Variants in LCT observed in about 807,000 individuals in gnomAD.
LCT encodes lactase.
In LCT, 90 loss-of-function variants were observed where a neutral mutation model predicts 173.0. That is an observed-to-expected ratio of 0.52 (90% CI 0.44 to 0.62). The LOEUF is 0.62. Ranked by LOEUF, LCT falls within the 20% of genes least tolerant of loss-of-function variation. The probability of loss-of-function intolerance (pLI) is 0.00; values close to 1 mark genes in which losing one functional copy is unlikely to be tolerated. For synonymous variants in LCT, 853 were observed against 957.6 expected, an observed-to-expected ratio of 0.89 and a Z score of 2.02; for missense variants, 1,864 against 2,431.4, an observed-to-expected ratio of 0.77 and a Z score of 4.91.
chr2:135,789,810 CAG>C lies in LCT; in HGVS notation c.5336-14_5336-13del. On this transcript the variant is annotated splice_polypyrimidine_tract_variant and intron_variant, in intron 15 of 16. Coordinates refer to ENST00000264162, the MANE Select transcript of LCT (RefSeq NM_002299.4). Reference sequence around the variant, plus strand: ...CTTGTCCTGCACAGCTGCTCAAACACAGAGGACTAGGCATAAGTTTCCTATCT... The same window carrying C: ...CTTGTCCTGCACAGCTGCTCAAACACAGGACTAGGCATAAGTTTCCTATCT... 1 of 1,608,776 alleles carries C rather than the reference CAG, an allele frequency of 6.2e-7. No individual in the cohort carries two copies. Among genetic ancestry groups the C allele is most frequent in the Non-Finnish European group, 8.5e-7 (1 of 1,175,050 alleles).
chr2:135,819,160 T>A (rs2077807711), intron 5 of LCT, among the ~76,000 whole-genome samples: 1 of 152,236 alleles, frequency 6.6e-6, no homozygotes, highest in African/African-American at 2.4e-5. Flanking sequence ...TACATGTTTA[T>A]GTGCATGTAT....
rs868727079 is a variant in LCT, at chr2:135,808,635, G to T, written c.3712C>A (p.Pro1238Thr). The change falls in exon 8 of 17, where the codon CCT (proline) becomes ACT (threonine). Residue 1238 changes from proline to threonine, a missense_variant. Transcript: ENST00000264162. ...DDQEMAEEED[P>T]SWPSTAMNRA... is the part of the protein sequence containing the mutation. ...TTCATTGCCGTGGAAGGCCACGAAG[G>T]GTCCTCCTCCTCAGCCATCTCCTGG... The T allele has an allele frequency of 6.2e-6, 10 of 1,614,220 alleles. 1 individual carries two copies. In the African/African-American group the frequency reaches 1.1e-4, roughly 17 times the overall value.
chr2:135,794,556 G>T, intron 14 of LCT, 85 bp downstream of exon 14: 2 of 1,440,564 alleles, frequency 1.4e-6, no homozygotes, highest in Non-Finnish European at 2.0e-6. Context: ...CTGTTTTGAG[G>T]CTGGGCAGGC....
At chr2:135,812,128 C>T (rs1000396232) in intron 7 of LCT, among the ~76,000 whole-genome samples, 183 bp downstream of exon 7, 1 of 152,124 alleles carries the variant, frequency 6.6e-6, no homozygotes. Flanking sequence ...GGAGCAAAGA[C>T]GTGAATGACA....
At chr2:135,822,756 A>G (rs2077846119) in intron 4 of LCT, 1 of 155,692 alleles carries the variant, frequency 6.4e-6, no homozygotes, top group African/African-American at 2.4e-5. Context: ...ACTCATGTTG[A>G]AATTTAATTG....
intron 9 of LCT, among the ~76,000 whole-genome samples, chr2:135,806,750 T>A (rs2077678200): frequency 6.6e-6 from 1 of 152,254 alleles, no homozygotes; most frequent in Non-Finnish European, 1.5e-5. Context: ...TAGGTGTGTG[T>A]AAGTGCACTC....
rs147652514 is a variant in LCT at position 135,823,884 on chromosome 2, A to T, written c.907+17T>A. ...ACCAGATGTCACTCAAAACCTCTTC[A>T]GCAATGGCCCACTCACCTTCAAAAA... On this transcript the variant is annotated intron_variant, in intron 4 of 16. Coordinates refer to ENST00000264162, the MANE Select transcript of LCT (RefSeq NM_002299.4). 1,346 of 1,543,644 alleles carry T rather than the reference A, an allele frequency of 8.7e-4. No homozygotes were observed. The highest frequency in any genetic ancestry group is 1.2e-3 in the Admixed American group (74 of 59,934).
intron 6 of LCT, among the ~76,000 whole-genome samples, chr2:135,816,366 G>A (rs2077781284): frequency 6.6e-6 from 1 of 152,086 alleles, no homozygotes; most frequent in Admixed American, 6.6e-5. Context: ...GTGGGTATGC[G>A]ACCCACTGAG....
At chr2:135,828,494 G>T (rs926524048) in intron 3 of LCT, among the ~76,000 whole-genome samples, 1 of 152,170 alleles carries the variant, frequency 6.6e-6, no homozygotes, top group African/African-American at 2.4e-5. Context: ...AGAGGCAGGG[G>T]GTCCAATGTG....
At chr2:135,832,391 G>C (rs947125342) in intron 2 of LCT, among the ~76,000 whole-genome samples, 1 of 151,462 alleles carries the variant, frequency 6.6e-6, no homozygotes, top group Non-Finnish European at 1.5e-5. Flanking sequence ...CTGCACTCTG[G>C]CCTGGGTGAC....
intron 5 of LCT, among the ~76,000 whole-genome samples, chr2:135,818,622 G>A (rs759203722): frequency 8.5e-5 from 13 of 152,128 alleles, no homozygotes; most frequent in Non-Finnish European, 1.8e-4. Flanking sequence ...GGTGGATCAC[G>A]AGGTCAGAAG....
rs1159649960 is a variant in LCT, at chr2:135,809,236, G to C, written c.3111C>G (p.Ala1037=). ...LQDIGGWENP[A]LIDLFDSYAD... ...CGTAGCTGTCAAACAAGTCAATCAA[G>C]GCAGGATTCTCCCAGCCTCCGATAT... The change falls in exon 8 of 17, where the codon GCC becomes GCG. Residue 1037 remains alanine (A), a synonymous_variant. Transcript: ENST00000264162. The surrounding 1 kb of genome is among the most constrained non-coding windows in gnomAD (Gnocchi z 5.5). 2 of 1,614,236 alleles carry C rather than the reference G, an allele frequency of 1.2e-6. No homozygotes were observed. Among genetic ancestry groups the C allele is most frequent in the Non-Finnish European group, 1.7e-6 (2 of 1,180,044 alleles).
chr2:135,824,992 C>CAAAAA (rs5834449), intron 3 of LCT, among the ~76,000 whole-genome samples: 1 of 110,168 alleles, frequency 9.1e-6, no homozygotes. Context: ...GGCTCCATCT[C>CAAAAA]AAAAAAAAAA....
In LCT at chr2:135,835,990, ATATATATATATATATATATATATATG is replaced by A. The variant is rs1370314863; in HGVS notation, c.640+514_640+539del. Among the ~76,000 whole-genome samples the A allele has an allele frequency of 4.4e-3, 118 of 26,726 alleles. 5 individuals carry two copies. Among genetic ancestry groups the A allele is most frequent in the Non-Finnish European group, 0.01 (58 of 5,756 alleles). The allele number at this position is 26,726 out of a possible 152,430, so 17.5% of individuals were successfully genotyped here. On this transcript the variant is annotated intron_variant, in intron 1 of 16. Transcript: ENST00000264162. ...AATACATGTGTGTATATATATATATATATATATATATATATATATATATATGTATACATATTTTTTTTTTTTGAGAT... is the reference window on the plus strand; with the variant it reads ...AATACATGTGTGTATATATATATATATATACATATTTTTTTTTTTTGAGAT...
chr2:135,829,181 A>G (rs2077912664), intron 3 of LCT, among the ~76,000 whole-genome samples: 1 of 151,038 alleles, frequency 6.6e-6, no homozygotes, highest in South Asian at 2.1e-4. Flanking sequence ...ACCGAGGAAG[A>G]CTCCATCTCA....
rs1309764417 is a variant in LCT at position 135,809,638 on chromosome 2, A to G, written c.2709T>C (p.Phe903=). Residue 903 remains phenylalanine, a synonymous_variant, in exon 8 of 17, where the codon TTT becomes TTC. Transcript: ENST00000264162. The surrounding 1 kb of genome is among the most constrained non-coding windows in gnomAD (Gnocchi z 5.5). ...FERDLFYHGT[F]RDDFLWGVSS... is the part of the protein sequence containing the mutation. ...ACACGCCCCACAGAAAGTCATCCCGAAACGTCCCGTGGTAGAACAAATCTC... is the reference window on the plus strand; with the variant it reads ...ACACGCCCCACAGAAAGTCATCCCGGAACGTCCCGTGGTAGAACAAATCTC... 1 of 1,614,216 alleles carries G rather than the reference A, an allele frequency of 6.2e-7. No individual in the cohort carries two copies. The highest frequency in any genetic ancestry group is 8.5e-7 in the Non-Finnish European group (1 of 1,180,028).
At chr2:135,816,499 A>G (rs2077782161) in intron 6 of LCT, among the ~76,000 whole-genome samples, 1 of 152,222 alleles carries the variant, frequency 6.6e-6, no homozygotes, top group Non-Finnish European at 1.5e-5. Flanking sequence ...TAGCCCAAGA[A>G]TAAAGCCAAC....
intron 3 of LCT, among the ~76,000 whole-genome samples, chr2:135,827,586 A>G (rs1350317874): frequency 6.6e-6 from 1 of 151,958 alleles, no homozygotes; most frequent in East Asian, 1.9e-4. Flanking sequence ...GATGATGGGG[A>G]TGATTTGGGG....
At chr2:135,822,355 T>C in intron 4 of LCT, 1 of 463,836 alleles carries the variant, frequency 2.2e-6, no homozygotes, top group South Asian at 2.1e-5. Context: ...AGGTTGCTGG[T>C]CCCACCCCAA....
Sources: allele counts gnomAD v4.1 joint callset (sites outside exome capture counted in the v4.1 genomes callset), GRCh38; gene constraint gnomAD v4.1.1; non-coding constraint Gnocchi (gnomAD v3.1); transcripts MANE v1.5; gene names NCBI Gene and HGNC (gene_info 2026-07-23, HGNC 2026-07-21).